Variants in HMGA2 observed in about 807,000 individuals in gnomAD.
The protein encoded by HMGA2 is high mobility group AT-hook 2.
In HMGA2, 8 loss-of-function variants were observed where a neutral mutation model predicts 19.1. That is an observed-to-expected ratio of 0.42 (90% CI 0.25 to 0.76). The LOEUF (loss-of-function observed/expected upper bound fraction) is 0.76, where lower values mean the gene tolerates loss of function less well. HMGA2 is among the 30% of genes least tolerant of loss of function. The probability of loss-of-function intolerance (pLI) is 0.28; values close to 1 mark genes in which losing one functional copy is unlikely to be tolerated. For synonymous variants in HMGA2, 60 were observed against 48.8 expected, an observed-to-expected ratio of 1.23 and a Z score of -0.96; for missense variants, 109 against 136.3, an observed-to-expected ratio of 0.80 and a Z score of 1.00.
rs561394379 is a variant in HMGA2 at position 65,964,186 on chromosome 12, A to T, written c.*894A>T. ...AAATTATCCTCTTTGTAATTTAATG[A>T]AAAGGTACAACAGAATAATGCATGA... On this transcript the variant is annotated 3_prime_UTR_variant, in exon 5 of 5. Transcript: ENST00000403681. 4.9e-6 allele frequency: 1 copy of T among 205,302 alleles called. No homozygotes were observed. The highest frequency in any genetic ancestry group is 1.9e-4 in the South Asian group (1 of 5,272). The allele number at this position is 205,302 out of a possible 1,614,324, so 12.7% of individuals were successfully genotyped here. A position where few individuals can be genotyped will look rare whatever the true frequency, so the allele number is the denominator to read the frequency against.
chr12:65,924,590 G>GAGATC (rs1875436719), intron 3 of HMGA2, among the ~76,000 whole-genome samples: 1 of 152,162 alleles, frequency 6.6e-6, no homozygotes, highest in Admixed American at 6.5e-5. Flanking sequence ...TTGAGGTCAA[G>GAGATC]AGATCGAGAC....
At chr12:65,838,080 G>A (rs1870809753) in intron 2 of HMGA2, among the ~76,000 whole-genome samples, 2 of 152,064 alleles carry the variant, frequency 1.3e-5, no homozygotes, top group South Asian at 4.1e-4. Context: ...AAAGTAATAT[G>A]TCAATATTAA....
chr12:65,943,692 A>G (rs1876166433), intron 3 of HMGA2, among the ~76,000 whole-genome samples: 1 of 152,188 alleles, frequency 6.6e-6, no homozygotes. Context: ...CCATAGATTT[A>G]TCGCTTCTTA....
intron 4 of HMGA2, among the ~76,000 whole-genome samples, chr12:65,959,073 C>T (rs1876678880): frequency 6.6e-6 from 1 of 152,206 alleles, no homozygotes; most frequent in Middle Eastern, 3.2e-3. Flanking sequence ...AAATATTGAA[C>T]TTTCTTCCAG....
At chr12:65,869,626 G>A (rs1872607193) in intron 3 of HMGA2, among the ~76,000 whole-genome samples, 1 of 152,102 alleles carries the variant, frequency 6.6e-6, no homozygotes, top group Admixed American at 6.5e-5. Context: ...TTTTATTCTG[G>A]TATATACCAT....
chr12:65,882,095 C>A (rs976788067), intron 3 of HMGA2: 3 of 530,132 alleles, frequency 5.7e-6, no homozygotes, highest in Admixed American at 5.7e-5. Flanking sequence ...CGTGGAAACC[C>A]CTGGCGGCTG....
chr12:65,872,527 A>AC (rs1382939859), intron 3 of HMGA2, among the ~76,000 whole-genome samples: 1 of 152,194 alleles, frequency 6.6e-6, no homozygotes, highest in Non-Finnish European at 1.5e-5. Context: ...GTGCCATCAT[A>AC]CACCCGGTCA....
At chr12:65,882,968 G>T (rs1873494763) in intron 3 of HMGA2, among the ~76,000 whole-genome samples, 1 of 152,222 alleles carries the variant, frequency 6.6e-6, no homozygotes, top group South Asian at 2.1e-4. Context: ...GGCAGACTCT[G>T]CCCCGCTTCC....
Position 65,964,745 on chromosome 12 carries a change from T to C in HMGA2, c.*1453T>C, listed in dbSNP as rs1565744745. The C allele has an allele frequency of 5.1e-6, 1 of 196,062 alleles. No homozygotes were observed. Among genetic ancestry groups the C allele is most frequent in the East Asian group, 8.0e-5 (1 of 12,450 alleles). 12.1% of individuals were successfully genotyped at this position (196,062 alleles called of 1,614,324 possible). The stretch of plus-strand genomic sequence containing the variant: ...ATGTATTTTTCTATGTTTTTTTAAT[T>C]AAAAATTTTTAAAATACTTGTTTCA... On this transcript the variant is annotated 3_prime_UTR_variant, in exon 5 of 5. Coordinates refer to ENST00000403681, the MANE Select transcript of HMGA2 (RefSeq NM_003483.6).
chr12:65,886,101 A>G (rs1873645407), intron 3 of HMGA2, among the ~76,000 whole-genome samples: 1 of 152,188 alleles, frequency 6.6e-6, no homozygotes, highest in Non-Finnish European at 1.5e-5. Flanking sequence ...AAAAATTACT[A>G]GGTTAAACTG....
intron 3 of HMGA2, among the ~76,000 whole-genome samples, chr12:65,932,028 C>T (rs1041142789): frequency 3.9e-5 from 6 of 152,166 alleles, no homozygotes; most frequent in Admixed American, 6.5e-5. Flanking sequence ...TCCAGGTTTT[C>T]GAGCACGAGA....
At chr12:65,835,034 A>T (rs1221563515) in intron 2 of HMGA2, among the ~76,000 whole-genome samples, 1 of 152,240 alleles carries the variant, frequency 6.6e-6, no homozygotes, top group African/African-American at 2.4e-5. Context: ...CTTACCAATG[A>T]GAATTCCGAC....
intron 3 of HMGA2, among the ~76,000 whole-genome samples, chr12:65,879,388 G>A (rs1290631869): frequency 1.3e-5 from 2 of 151,496 alleles, no homozygotes; most frequent in Admixed American, 6.6e-5. Context: ...CTTGGCCCCC[G>A]CAAAGTGCTG....
intron 3 of HMGA2, among the ~76,000 whole-genome samples, chr12:65,871,263 G>A (rs961680896): frequency 4.6e-5 from 7 of 152,052 alleles, no homozygotes; most frequent in Admixed American, 2.6e-4. Context: ...GGGCCCAGCC[G>A]CACCTATTGG....
At chr12:65,894,270 T>C (rs760086767) in intron 3 of HMGA2, among the ~76,000 whole-genome samples, 4 of 152,192 alleles carry the variant, frequency 2.6e-5, no homozygotes, top group Non-Finnish European at 5.9e-5. Context: ...GAAAATTGTG[T>C]GTGTATGTGT....
At chr12:65,939,980 C>T (rs1308365331) in intron 3 of HMGA2, among the ~76,000 whole-genome samples, 3 of 152,072 alleles carry the variant, frequency 2.0e-5, no homozygotes, top group Non-Finnish European at 4.4e-5. Flanking sequence ...GACAATAACA[C>T]ATAATACATG....
At chr12:65,894,830 CCCA>C (rs1327483525) in intron 3 of HMGA2, among the ~76,000 whole-genome samples, 2 of 152,026 alleles carry the variant, frequency 1.3e-5, no homozygotes, top group Non-Finnish European at 2.9e-5. Flanking sequence ...ATGCAATAAC[CCCA>C]CAATTATGTA....
At chr12:65,860,482 A>T (rs1871999127) in intron 3 of HMGA2, among the ~76,000 whole-genome samples, 1 of 152,220 alleles carries the variant, frequency 6.6e-6, no homozygotes, top group Non-Finnish European at 1.5e-5. Flanking sequence ...TCATTATAGC[A>T]TTCTCCATTT....
intron 3 of HMGA2, among the ~76,000 whole-genome samples, chr12:65,900,622 G>A (rs938185412): frequency 4.6e-5 from 7 of 152,164 alleles, no homozygotes; most frequent in Admixed American, 1.3e-4. Flanking sequence ...TGCATAGAGC[G>A]GGGTATGGAG....
Sources: gnomAD v4.1 joint callset for allele counts (sites outside exome capture counted in the v4.1 genomes callset) on GRCh38, gnomAD v4.1.1 for gene constraint, MANE v1.5 for transcripts, NCBI Gene and HGNC (gene_info 2026-07-23, HGNC 2026-07-21) for gene names.